Variants in SYN3 observed in about 807,000 individuals in gnomAD.
The protein encoded by SYN3 is synapsin-3.
SYN3 carries 35 observed loss-of-function variants against 65.8 expected under a neutral mutation model. The observed-to-expected ratio is 0.53, with a 90% CI of 0.41 to 0.70. The LOEUF (loss-of-function observed/expected upper bound fraction) is 0.70, where lower values mean the gene tolerates loss of function less well. Ranked by LOEUF, SYN3 falls within the 30% of genes least tolerant of loss-of-function variation. The probability of loss-of-function intolerance (pLI) is 0.00; values close to 1 mark genes in which losing one functional copy is unlikely to be tolerated. For missense variants in SYN3, 680 were observed against 749.0 expected (o/e 0.91, Z 1.08); for synonymous variants, 270 against 292.9 (o/e 0.92, Z 0.80).
At chr22:32,554,670 C>G (rs2058465903) in intron 7 of SYN3, among the ~76,000 whole-genome samples, 1 of 152,164 alleles carries the variant, frequency 6.6e-6, no homozygotes, top group South Asian at 2.1e-4. Context: ...TGGTCCAACC[C>G]TAGCCAATAG....
At chr22:32,864,340 C>T (rs893924187) in intron 6 of SYN3, among the ~76,000 whole-genome samples, 1 of 152,140 alleles carries the variant, frequency 6.6e-6, no homozygotes, top group Non-Finnish European at 1.5e-5. Context: ...GAACCCTTCA[C>T]CTCATTCAGA....
chr22:32,948,357 A>G (rs1601760941), intron 3 of SYN3, among the ~76,000 whole-genome samples: 1 of 152,312 alleles, frequency 6.6e-6, no homozygotes, highest in East Asian at 1.9e-4. Flanking sequence ...GAGTAACTCA[A>G]TTCCTAACGA....
intron 1 of SYN3, among the ~76,000 whole-genome samples, chr22:33,009,178 T>C (rs1236731684): frequency 6.6e-6 from 1 of 152,176 alleles, no homozygotes; most frequent in East Asian, 1.9e-4. Context: ...ATGGGGTAAG[T>C]GTATGTCTAA....
intron 6 of SYN3, among the ~76,000 whole-genome samples, chr22:32,683,639 G>A (rs1162603544): frequency 1.3e-5 from 2 of 152,168 alleles, no homozygotes; most frequent in Admixed American, 6.5e-5. Context: ...TGGTGATCCC[G>A]TGTGTTTCTA....
intron 6 of SYN3, among the ~76,000 whole-genome samples, chr22:32,761,561 A>C (rs760763609): frequency 2.9e-4 from 44 of 152,294 alleles, no homozygotes; most frequent in Non-Finnish European, 5.7e-4. Flanking sequence ...CTGGCAGCCC[A>C]GTTTTGAGCA....
chr22:32,702,642 T>C (rs1360884834), intron 6 of SYN3, among the ~76,000 whole-genome samples: 1 of 152,214 alleles, frequency 6.6e-6, no homozygotes, highest in East Asian at 1.9e-4. Context: ...GCATTTGACA[T>C]TTATTAGTCA....
intron 6 of SYN3, among the ~76,000 whole-genome samples, chr22:32,620,639 C>T (rs1041066588): frequency 7.2e-5 from 11 of 151,992 alleles, no homozygotes; most frequent in African/African-American, 2.2e-4. Context: ...CAAGAGAACC[C>T]GGAAGCCTGC....
chr22:32,817,240 G>A (rs1334534920), intron 6 of SYN3, among the ~76,000 whole-genome samples: 1 of 152,018 alleles, frequency 6.6e-6, no homozygotes, highest in Non-Finnish European at 1.5e-5. Flanking sequence ...ATGTTATTTG[G>A]GAGAGCTGTT....
intron 6 of SYN3, among the ~76,000 whole-genome samples, chr22:32,611,219 G>A (rs919051610): frequency 2.0e-5 from 3 of 149,210 alleles, no homozygotes; most frequent in Non-Finnish European, 3.0e-5. Flanking sequence ...AACCTTTTCC[G>A]TCTCATCCAC....
chr22:33,014,075 A>T (rs965435338), intron 1 of SYN3, among the ~76,000 whole-genome samples: 1,302 of 38,092 alleles, frequency 0.034, 7 homozygotes, highest in Middle Eastern at 0.04. Context: ...CAGCTAGTTA[A>T]AAAAAAAAAA....
At chr22:32,676,528 CTTTTTTTTTTTTTTTT>C (rs879196572) in intron 6 of SYN3, among the ~76,000 whole-genome samples, 62 of 88,912 alleles carry the variant, frequency 7.0e-4, no homozygotes, top group Admixed American at 4.6e-3. Context: ...TCTTTTCTTT[CTTTTTTTTTTTTTTTT>C]TTTTTTTTTT....
intron 6 of SYN3, among the ~76,000 whole-genome samples, chr22:32,710,649 GAAAGAAAGAA>G (rs796432899): frequency 2.8e-5 from 3 of 105,992 alleles, no homozygotes; most frequent in African/African-American, 4.6e-5. Flanking sequence ...AAAAAAAAAA[GAAAGAAAGAA>G]AAAGAAAGAA....
chr22:32,924,868 G>C (rs2050426450), intron 4 of SYN3, among the ~76,000 whole-genome samples: 1 of 152,146 alleles, frequency 6.6e-6, no homozygotes, highest in Non-Finnish European at 1.5e-5. Flanking sequence ...AAGGTGGGAG[G>C]ATCGCTTGAG....
chr22:33,058,136 C>A (rs1437893236), intron 1 of SYN3, among the ~76,000 whole-genome samples, 156 bp downstream of exon 1: 4 of 152,166 alleles, frequency 2.6e-5, no homozygotes, highest in South Asian at 2.1e-4. Context: ...TGCCTCCCTC[C>A]CTGCCCCTCC....
chr22:32,681,814 C>T (rs1450981662), intron 6 of SYN3, among the ~76,000 whole-genome samples: 5 of 152,106 alleles, frequency 3.3e-5, no homozygotes, highest in African/African-American at 9.7e-5. Flanking sequence ...ATACTAAAAA[C>T]GATCAATAGA....
intron 7 of SYN3, among the ~76,000 whole-genome samples, chr22:32,563,009 C>T (rs1013936448): frequency 3.3e-5 from 5 of 152,220 alleles, no homozygotes; most frequent in Non-Finnish European, 5.9e-5. Context: ...TTCAAATTTC[C>T]ACCATGCAAG....
intron 6 of SYN3, 140 bp downstream of exon 6, chr22:32,864,775 A>G: frequency 1.3e-6 from 1 of 743,866 alleles, no homozygotes; most frequent in South Asian, 1.8e-5. Flanking sequence ...CTCCCACAGG[A>G]CACTGTGACT....
At chr22:32,905,765 T>C (rs979196073) in intron 4 of SYN3, among the ~76,000 whole-genome samples, 1 of 152,216 alleles carries the variant, frequency 6.6e-6, no homozygotes, top group Non-Finnish European at 1.5e-5. Flanking sequence ...CCCTCCTATA[T>C]GGGCAGCTCT....
intron 6 of SYN3, among the ~76,000 whole-genome samples, chr22:32,835,758 T>A (rs1015784748): frequency 4.6e-5 from 7 of 152,328 alleles, no homozygotes; most frequent in Admixed American, 3.3e-4. Flanking sequence ...GACTTCTCTC[T>A]TCCTGCCCTT....
Sources: allele counts gnomAD v4.1 joint callset (sites outside exome capture counted in the v4.1 genomes callset), GRCh38; gene constraint gnomAD v4.1.1; transcripts MANE v1.5; gene names NCBI Gene and HGNC (gene_info 2026-07-23, HGNC 2026-07-21).